Variants in MERTK observed in about 807,000 individuals in gnomAD.
MERTK encodes MER proto-oncogene, tyrosine kinase, also known as tyrosine-protein kinase Mer.
A neutral mutation model predicts 99.3 loss-of-function variants in MERTK; 69 were observed. The ratio of observed to expected loss-of-function variants is 0.70; its 90% CI spans 0.57 to 0.85. The LOEUF (loss-of-function observed/expected upper bound fraction) is 0.85, where lower values mean the gene tolerates loss of function less well. Ranked by LOEUF, MERTK falls within the 40% of genes least tolerant of loss-of-function variation. MERTK has a pLI of 0.00. For missense variants in MERTK, 1,125 were observed against 1,249.4 expected, an observed-to-expected ratio of 0.90 and a Z score of 1.50; for synonymous variants, 426 against 467.6, an observed-to-expected ratio of 0.91 and a Z score of 1.15.
At chr2:111,914,427 G>GC (rs1440753467) in intron 1 of MERTK, among the ~76,000 whole-genome samples, 1 of 152,014 alleles carries the variant, frequency 6.6e-6, no homozygotes, top group Non-Finnish European at 1.5e-5. Context: ...GCAGGTGTGA[G>GC]CCACTGCGCC....
intron 11 of MERTK, among the ~76,000 whole-genome samples, chr2:112,001,574 G>A (rs1468048689): frequency 6.6e-6 from 1 of 152,176 alleles, no homozygotes; most frequent in Non-Finnish European, 1.5e-5. Context: ...GATGGGTAGA[G>A]GCCAGGGATT....
At chr2:111,975,132 T>C (rs1341053015) in intron 6 of MERTK, among the ~76,000 whole-genome samples, 157 bp from the exon 7 acceptor site, 1 of 152,216 alleles carries the variant, frequency 6.6e-6, no homozygotes, top group Non-Finnish European at 1.5e-5. Context: ...TAACACACAG[T>C]GATGCTAGCG....
chr2:111,975,418 G>T lies in MERTK; in HGVS notation c.1090G>T (p.Glu364Ter), dbSNP rs868566811. Residue 364 changes from glutamate (E) to a stop codon, truncating the protein, a stop_gained, in exon 7 of 19, where the codon GAA (glutamate) becomes TAA (stop). Transcript: ENST00000295408. LOFTEE classifies it high-confidence loss of function. ...CAGCATTGGTGTTTCCTGCATGAAT[G>T]AAATAGGCTGGTCTGCAGTGAGCCC... ...NYSIGVSCMN[E>*]IGWSAVSPWI... 1.2e-6 allele frequency: 2 copies of T among 1,614,218 alleles called. No homozygotes were observed. The highest frequency in any genetic ancestry group is 1.7e-6 in the Non-Finnish European group (2 of 1,180,040).
chr2:111,916,849 G>A (rs1445481199), intron 1 of MERTK, among the ~76,000 whole-genome samples: 1 of 152,112 alleles, frequency 6.6e-6, no homozygotes, highest in African/African-American at 2.4e-5. Context: ...GGGGAAGAGG[G>A]CATGCTGCCT....
chr2:112,003,891 T>G lies in MERTK; in HGVS notation c.1787-13T>G, dbSNP rs763996675. ...TTGCACAGTGTCCATACAGGTGTTCTTTCACTTCACAGGAGAGTTTGGGTC... is the reference window on the plus strand; with the variant it reads ...TTGCACAGTGTCCATACAGGTGTTCGTTCACTTCACAGGAGAGTTTGGGTC... On this transcript the variant is annotated splice_polypyrimidine_tract_variant and intron_variant, in intron 12 of 18. Transcript: ENST00000295408. 1.2e-6 allele frequency: 2 copies of G among 1,607,226 alleles called. No individual in the cohort carries two copies. Among genetic ancestry groups the G allele is most frequent in the East Asian group, 4.5e-5 (2 of 44,842 alleles).
At chr2:111,928,670 GA>G (rs1684612198) in intron 1 of MERTK, among the ~76,000 whole-genome samples, 4 of 152,204 alleles carry the variant, frequency 2.6e-5, no homozygotes, top group Admixed American at 1.3e-4. Flanking sequence ...ATTTTTAGTA[GA>G]GACAGGTTTT....
Position 111,929,208 on chromosome 2 carries a change from G to C in MERTK, c.150G>C (p.Leu50=). The change falls in exon 2 of 19, where the codon CTG becomes CTC. Residue 50 remains leucine, a synonymous_variant. Transcript: ENST00000295408. ...PGSLQTDHTP[L]LSLPHASGYQ... is the part of the protein sequence containing the mutation. ...GCCTGCAAACTGACCACACACCGCTGTTATCCCTTCCTCACGCCAGTGGGT... is the reference window on the plus strand; with the variant it reads ...GCCTGCAAACTGACCACACACCGCTCTTATCCCTTCCTCACGCCAGTGGGT... 1 of 1,614,170 alleles carries C rather than the reference G, an allele frequency of 6.2e-7. No homozygotes were observed.
At chr2:111,991,637 G>A (rs1201469902) in intron 8 of MERTK, among the ~76,000 whole-genome samples, 1 of 152,128 alleles carries the variant, frequency 6.6e-6, no homozygotes, top group African/African-American at 2.4e-5. Flanking sequence ...CATAGACTCG[G>A]AGTCCAGTGG....
intron 4 of MERTK, among the ~76,000 whole-genome samples, chr2:111,958,514 T>A (rs1347983238): frequency 6.6e-6 from 1 of 152,218 alleles, no homozygotes; most frequent in Non-Finnish European, 1.5e-5. Context: ...TTGAACTAGT[T>A]TCCTCTTCTC....
At chr2:111,913,406 T>G (rs1409505731) in intron 1 of MERTK, among the ~76,000 whole-genome samples, 1 of 152,250 alleles carries the variant, frequency 6.6e-6, no homozygotes, top group Non-Finnish European at 1.5e-5. Flanking sequence ...TTGTAAATGG[T>G]ATTGTATTTT....
rs568336918 is a variant in MERTK, at chr2:111,974,104, T to C, written c.961-1185T>C. Among the ~76,000 whole-genome samples, 242 of 150,008 alleles carry C rather than the reference T, an allele frequency of 1.6e-3. 2 individuals carry two copies. The highest frequency in any genetic ancestry group is 3.5e-4 in the Non-Finnish European group (24 of 67,674). On this transcript the variant is annotated intron_variant, in intron 6 of 18. Coordinates refer to ENST00000295408, the MANE Select transcript of MERTK (RefSeq NM_006343.3). Reference sequence around the variant, plus strand: ...AATAAAGGACACACTAAAATTAGCCTCAGGATGAGTGCATTGGCTCACGCC... The same window carrying C: ...AATAAAGGACACACTAAAATTAGCCCCAGGATGAGTGCATTGGCTCACGCC...
chr2:111,928,216 C>CTTTTT, intron 1 of MERTK, among the ~76,000 whole-genome samples: 1 of 84,848 alleles, frequency 1.2e-5, no homozygotes, highest in Non-Finnish European at 2.2e-5. Context: ...CCATGAGCAG[C>CTTTTT]TTTTTTTTTT....
intron 6 of MERTK, 32 bp from the exon 7 acceptor site, chr2:111,975,257 A>T (rs1455748786): frequency 1.2e-6 from 2 of 1,611,908 alleles, no homozygotes; most frequent in South Asian, 2.2e-5. Flanking sequence ...CACCTTACTA[A>T]TGCCCGGTCC....
intron 4 of MERTK, among the ~76,000 whole-genome samples, chr2:111,961,368 A>T (rs1269106473): frequency 6.6e-6 from 1 of 151,636 alleles, no homozygotes; most frequent in African/African-American, 2.4e-5. Context: ...TCACAGTGTT[A>T]TCCAGGATGG....
chr2:111,963,742 A>AGTCTCCTAT (rs2104720774), intron 4 of MERTK, among the ~76,000 whole-genome samples: 1 of 152,314 alleles, frequency 6.6e-6, no homozygotes, highest in Non-Finnish European at 1.5e-5. Context: ...AACAAAATGG[A>AGTCTCCTAT]GTCTCCTATG....
intron 1 of MERTK, among the ~76,000 whole-genome samples, chr2:111,903,117 C>G (rs935794076): frequency 6.6e-6 from 1 of 151,964 alleles, no homozygotes; most frequent in Non-Finnish European, 1.5e-5. Context: ...ACTGTCCCCC[C>G]ACCACAAGGT....
intron 2 of MERTK, among the ~76,000 whole-genome samples, chr2:111,933,206 TA>T (rs751696040): frequency 2.0e-5 from 3 of 152,204 alleles, no homozygotes; most frequent in Non-Finnish European, 4.4e-5. Context: ...GCAGGGTCAC[TA>T]GGCAGTGAGC....
chr2:112,003,052 G>A lies in MERTK; in HGVS notation c.1691-40G>A, dbSNP rs185519832. 436 of 892,514 alleles carry A rather than the reference G, an allele frequency of 4.9e-4. 7 individuals are homozygous for A. Among genetic ancestry groups the A allele is most frequent in the Middle Eastern group, 2.6e-3 (11 of 4,262 alleles). The allele number at this position is 892,514 out of a possible 1,614,324, so 55.3% of individuals were successfully genotyped here. A position where few individuals can be genotyped will look rare whatever the true frequency, so the allele number is the denominator to read the frequency against. Reference sequence around the variant, plus strand: ...TTAATTATCAAGTGAAAGAAAACACGCTGACAATTTTTGTACATACTATGT... The same window carrying A: ...TTAATTATCAAGTGAAAGAAAACACACTGACAATTTTTGTACATACTATGT... On this transcript the variant is annotated intron_variant, in intron 11 of 18. Transcript: ENST00000295408.
Position 111,970,026 on chromosome 2 carries a change from G to T in MERTK, c.960+1774G>T, listed in dbSNP as rs547373151. ...TAATTCTTGCTCAGTTTTGTTTTTT[G>T]TTTTTTTTCCTGTAAGCCTCCCAAG... On this transcript the variant is annotated intron_variant, in intron 6 of 18. Transcript: ENST00000295408. Among the ~76,000 whole-genome samples the T allele has an allele frequency of 6.2e-3, 936 of 151,544 alleles. 11 individuals are homozygous for T. Among genetic ancestry groups the T allele is most frequent in the African/African-American group, 0.022 (903 of 41,258 alleles).
Sources: gnomAD v4.1 joint callset for allele counts (sites outside exome capture counted in the v4.1 genomes callset) on GRCh38, gnomAD v4.1.1 for gene constraint, MANE v1.5 for transcripts, NCBI Gene and HGNC (gene_info 2026-07-23, HGNC 2026-07-21) for gene names.